SNAP23: variants seen among roughly 807,000 people sequenced by gnomAD.
SNAP23 encodes the protein synaptosomal-associated protein 23.
Under a neutral mutation model 29.0 loss-of-function variants are expected in SNAP23, and 11 were observed. That is an observed-to-expected ratio of 0.38 (90% CI 0.24 to 0.63). The LOEUF (loss-of-function observed/expected upper bound fraction) is 0.63, where lower values mean the gene tolerates loss of function less well. Among genes scored for constraint, SNAP23 ranks in the 20% least tolerant of loss-of-function variants. The pLI is 0.58. For synonymous variants in SNAP23, 60 were observed against 82.9 expected, an observed-to-expected ratio of 0.72 and a Z score of 1.50; for missense variants, 220 against 253.9, an observed-to-expected ratio of 0.87 and a Z score of 0.91.
chr15:42,513,155 C>T lies in SNAP23; in HGVS notation c.99+159C>T, dbSNP rs1447738306. 4.0e-6 allele frequency: 3 copies of T among 757,422 alleles called. No homozygotes were observed. In the South Asian group the frequency reaches 4.4e-5, roughly 11 times the overall value. The allele number at this position is 757,422 out of a possible 1,614,324, so 46.9% of individuals were successfully genotyped here. On this transcript the variant is annotated intron_variant, in intron 3 of 7. Coordinates refer to ENST00000249647, the MANE Select transcript of SNAP23 (RefSeq NM_003825.4). ...CAAACCATGCACTAATGGGAATTTT[C>T]TGTTTTTCCCTTTAACAGTATTGGA...
chr15:42,508,070 G>A (rs1254700240), intron 1 of SNAP23, among the ~76,000 whole-genome samples: 1 of 151,934 alleles, frequency 6.6e-6, no homozygotes, highest in African/African-American at 2.4e-5. Context: ...TTTGAGACCA[G>A]CCTGGATAAC....
chr15:42,524,808 T>C (rs1464193122), intron 5 of SNAP23, among the ~76,000 whole-genome samples: 1 of 152,214 alleles, frequency 6.6e-6, no homozygotes, highest in East Asian at 1.9e-4. Flanking sequence ...TTTTTTATTT[T>C]ATTAACTTAG....
upstream of SNAP23, chr15:42,495,210 A>G (rs1165493478): frequency 6.6e-6 from 1 of 152,128 alleles, no homozygotes; most frequent in East Asian, 1.9e-4. Flanking sequence ...TCCTCCGGGA[A>G]CCCTTCCAGA....
upstream of SNAP23, among the ~76,000 whole-genome samples, chr15:42,494,673 G>A (rs1224899103): frequency 6.6e-6 from 1 of 151,828 alleles, no homozygotes; most frequent in Non-Finnish European, 1.5e-5. Flanking sequence ...CTGCCACCAT[G>A]CCCGGCTAAT....
At chr15:42,518,314 C>T (rs2057414863) in intron 5 of SNAP23, among the ~76,000 whole-genome samples, 1 of 152,082 alleles carries the variant, frequency 6.6e-6, no homozygotes, top group South Asian at 2.1e-4. Context: ...TAAAGGTAGA[C>T]ATGAGATCTT....
chr15:42,512,650 T>C (rs1439554890), intron 2 of SNAP23, among the ~76,000 whole-genome samples: 1 of 152,178 alleles, frequency 6.6e-6, no homozygotes, highest in Admixed American at 6.5e-5. Context: ...GTGCTGGGAT[T>C]ATAGGCTTGA....
chr15:42,530,247 T>G (rs1331445740), intron 7 of SNAP23, among the ~76,000 whole-genome samples: 1 of 152,152 alleles, frequency 6.6e-6, no homozygotes, highest in African/African-American at 2.4e-5. Context: ...ATCAGCCTAT[T>G]TTGTTAACTA....
chr15:42,515,113 AC>A, intron 4 of SNAP23, 123 bp from the exon 5 acceptor site: 2 of 655,248 alleles, frequency 3.1e-6, no homozygotes, highest in Non-Finnish European at 5.4e-6. Context: ...TTTGACACTG[AC>A]ATACTCACTG....
chr15:42,518,010 A>C (rs1397411167), intron 5 of SNAP23, among the ~76,000 whole-genome samples: 1 of 149,192 alleles, frequency 6.7e-6, no homozygotes, highest in Non-Finnish European at 1.5e-5. Flanking sequence ...ACTGCACCCA[A>C]CTGGCACTTC....
At chr15:42,509,763 C>T (rs928993061) in intron 1 of SNAP23, among the ~76,000 whole-genome samples, 8 of 152,128 alleles carry the variant, frequency 5.3e-5, no homozygotes, top group Non-Finnish European at 1.2e-4. Context: ...CATAAAACAG[C>T]TATGACAGTA....
intron 4 of SNAP23, among the ~76,000 whole-genome samples, chr15:42,514,784 C>T (rs183398349): frequency 2.0e-5 from 3 of 150,746 alleles, no homozygotes; most frequent in African/African-American, 7.3e-5. Context: ...CTCACTGCAA[C>T]CTCCAACTGC....
chr15:42,496,884 A>G (rs1224457624), intron 1 of SNAP23, among the ~76,000 whole-genome samples: 1 of 152,104 alleles, frequency 6.6e-6, no homozygotes, highest in East Asian at 1.9e-4. Flanking sequence ...GGCAGGAGAG[A>G]GACAGTGAAG....
intron 5 of SNAP23, among the ~76,000 whole-genome samples, chr15:42,522,674 TATTTTTAATTCAGTTAAAACTAATA>T (rs1334983151): frequency 2.0e-5 from 3 of 148,190 alleles, no homozygotes; most frequent in Non-Finnish European, 4.4e-5. Flanking sequence ...TTATTTTTGC[TATTTTTAATTCAGTTAAAACTAATA>T]TTGATGCAAC....
chr15:42,516,123 A>C (rs2057394814), intron 5 of SNAP23, among the ~76,000 whole-genome samples: 1 of 152,222 alleles, frequency 6.6e-6, no homozygotes, highest in South Asian at 2.1e-4. Flanking sequence ...ATAAAAAGAA[A>C]CGACAGTATC....
upstream of SNAP23, chr15:42,492,819 T>C (rs766119558): frequency 6.6e-6 from 1 of 151,904 alleles, no homozygotes; most frequent in Admixed American, 6.6e-5. Context: ...CTTGAAACAC[T>C]CAAGGGTTGT....
chr15:42,512,918 A>C (rs376712193), intron 2 of SNAP23, 37 bp from the exon 3 acceptor site: 12 of 1,538,764 alleles, frequency 7.8e-6, no homozygotes, highest in Non-Finnish European at 1.1e-5. Context: ...TTTTTTCTAC[A>C]TATTTTGGAA....
intron 1 of SNAP23, among the ~76,000 whole-genome samples, chr15:42,497,157 A>G (rs533203026): frequency 1.4e-4 from 17 of 125,646 alleles, no homozygotes; most frequent in Non-Finnish European, 2.8e-4. Context: ...CCTCCCTCAC[A>G]CTCCTGAGTA....
At chr15:42,497,047 T>C (rs200221038) in intron 1 of SNAP23, among the ~76,000 whole-genome samples, 22 of 118,880 alleles carry the variant, frequency 1.9e-4, no homozygotes, top group East Asian at 6.2e-4. Flanking sequence ...TTCTTTCTTT[T>C]TTTTTTTTTT....
Position 42,514,001 on chromosome 15 carries a change from G to C in SNAP23, c.148+554G>C, listed in dbSNP as rs546536293. On this transcript the variant is annotated intron_variant, in intron 4 of 7. Coordinates refer to ENST00000249647, the MANE Select transcript of SNAP23 (RefSeq NM_003825.4). Reference sequence around the variant, plus strand: ...GCTAAGTTTTTGTATTTTTAGTAGAGACGGGGTTTTACCATGTTGGCCAGG... The same window carrying C: ...GCTAAGTTTTTGTATTTTTAGTAGACACGGGGTTTTACCATGTTGGCCAGG... 8.1e-4 allele frequency among the ~76,000 whole-genome samples: 73 copies of C among 90,134 alleles called. 2 individuals carry two copies. Among genetic ancestry groups the C allele is most frequent in the South Asian group, 4.1e-3 (11 of 2,686 alleles). The allele number at this position is 90,134 out of a possible 152,430, so 59.1% of individuals were successfully genotyped here. A position where few individuals can be genotyped will look rare whatever the true frequency, so the allele number is the denominator to read the frequency against.
Sources: allele counts gnomAD v4.1 joint callset (sites outside exome capture counted in the v4.1 genomes callset), GRCh38; gene constraint gnomAD v4.1.1; transcripts MANE v1.5; gene names NCBI Gene and HGNC (gene_info 2026-07-23, HGNC 2026-07-21).